Variants in XPO4 observed in about 807,000 individuals in gnomAD.
The protein encoded by XPO4 is exportin 4.
In XPO4, 39 loss-of-function variants were observed where a neutral mutation model predicts 143.0. The observed-to-expected ratio is 0.27, with a 90% CI of 0.21 to 0.36. XPO4 has a LOEUF of 0.36. Ranked by LOEUF, XPO4 falls within the 10% of genes least tolerant of loss-of-function variation. XPO4 has a pLI of 1.00. For missense variants in XPO4, 907 were observed against 1,348.0 expected (o/e 0.67, Z 5.12); for synonymous variants, 439 against 474.0 (o/e 0.93, Z 0.96).
chr13:20,823,647 C>T (rs967741553), intron 7 of XPO4, among the ~76,000 whole-genome samples: 1 of 151,230 alleles, frequency 6.6e-6, no homozygotes, highest in African/African-American at 2.4e-5. Flanking sequence ...GGAAATTACA[C>T]AGAATTCTTT....
At chr13:20,834,352 A>G (rs1043743791) in intron 6 of XPO4, among the ~76,000 whole-genome samples, 5 of 152,176 alleles carry the variant, frequency 3.3e-5, no homozygotes, top group Non-Finnish European at 7.3e-5. Flanking sequence ...TTTAAAAAAC[A>G]ATTTACAATT....
Position 20,890,916 on chromosome 13 carries a change from TGACCG to T in XPO4, c.69+11749_69+11753del, listed in dbSNP as rs1364137075. On this transcript the variant is annotated intron_variant, in intron 1 of 22. Transcript: ENST00000255305. ...TGAGGTCAGGAGTTTGAGACCAGCC[TGACCG>T]GACCAACATAGAGAAACCCCGTCTC... 6.0e-5 allele frequency among the ~76,000 whole-genome samples: 9 copies of T among 151,234 alleles called. No homozygotes were observed. The Middle Eastern group carries it at 0.014, about 233-fold the overall frequency.
At chr13:20,893,248 T>C (rs145751672) in intron 1 of XPO4, among the ~76,000 whole-genome samples, 51 of 152,344 alleles carry the variant, frequency 3.3e-4, no homozygotes, top group African/African-American at 7.7e-4. Context: ...ACTTTTCCCC[T>C]GCTTTTTGTG....
intron 1 of XPO4, among the ~76,000 whole-genome samples, chr13:20,878,804 A>T (rs1322297550): frequency 6.6e-6 from 1 of 152,188 alleles, no homozygotes; most frequent in Admixed American, 6.6e-5. Flanking sequence ...TAGGCAAAAC[A>T]TCTATATGAA....
In XPO4 at chr13:20,786,878, G is replaced by T; in HGVS notation, c.3258+87C>A. 5.7e-6 allele frequency: 6 copies of T among 1,047,892 alleles called. No individual in the cohort carries two copies. The South Asian group carries it at 1.0e-4, about 17-fold the overall frequency. The allele number at this position is 1,047,892 out of a possible 1,614,324, so 64.9% of individuals were successfully genotyped here. A position where few individuals can be genotyped will look rare whatever the true frequency, so the allele number is the denominator to read the frequency against. On this transcript the variant is annotated intron_variant, in intron 22 of 22. Transcript: ENST00000255305. Reference sequence around the variant, plus strand: ...AGCACTGAGTCACAGATCCTATAAGGGGGGATTAATGACCCACCATCTATC... The same window carrying T: ...AGCACTGAGTCACAGATCCTATAAGTGGGGATTAATGACCCACCATCTATC...
intron 3 of XPO4, chr13:20,857,037 C>G (rs2060151304): frequency 3.4e-6 from 1 of 293,462 alleles, no homozygotes; most frequent in Non-Finnish European, 5.1e-6. Context: ...AAATATGTCT[C>G]CCTATCGTCA....
At chr13:20,885,364 G>T (rs975520387) in intron 1 of XPO4, among the ~76,000 whole-genome samples, 3 of 151,968 alleles carry the variant, frequency 2.0e-5, no homozygotes, top group Admixed American at 6.6e-5. Context: ...TGGTCAATAA[G>T]ATATTAAAAC....
intron 3 of XPO4, among the ~76,000 whole-genome samples, chr13:20,859,006 T>C (rs2138111754): frequency 6.6e-6 from 1 of 151,944 alleles, no homozygotes; most frequent in African/African-American, 2.4e-5. Context: ...CTAATTACTT[T>C]AGCTTCTAAA....
chr13:20,801,251 T>A (rs1292361367), intron 13 of XPO4, among the ~76,000 whole-genome samples: 1 of 152,196 alleles, frequency 6.6e-6, no homozygotes, highest in Non-Finnish European at 1.5e-5. Flanking sequence ...TGTGTGAATA[T>A]CAGCATTACT....
chr13:20,820,638 T>C (rs1387678036), intron 9 of XPO4, among the ~76,000 whole-genome samples: 1 of 152,224 alleles, frequency 6.6e-6, no homozygotes, highest in African/African-American at 2.4e-5. Flanking sequence ...CTCTGAAACA[T>C]TCAACTGTAC....
At chr13:20,811,272 G>A (rs890051831) in intron 9 of XPO4, among the ~76,000 whole-genome samples, 18 of 151,406 alleles carry the variant, frequency 1.2e-4, no homozygotes, top group Non-Finnish European at 2.2e-4. Flanking sequence ...GCTTGAAACA[G>A]ATAGAATGCT....
intron 4 of XPO4, chr13:20,848,477 A>G (rs2060049773): frequency 1.0e-6 from 1 of 985,432 alleles, no homozygotes; most frequent in African/African-American, 1.7e-5. Flanking sequence ...TAATGCTTAA[A>G]AATACCATGT....
chr13:20,870,687 G>A (rs892337603), intron 1 of XPO4, among the ~76,000 whole-genome samples: 2 of 149,956 alleles, frequency 1.3e-5, no homozygotes, highest in Admixed American at 6.6e-5. Context: ...TCAAGATCGC[G>A]CCACTGCACT....
intron 3 of XPO4, among the ~76,000 whole-genome samples, chr13:20,858,914 G>A (rs7318690): frequency 0.75 from 106,651 of 141,292 alleles, 38,370 homozygotes; most frequent in East Asian, 0.99. Flanking sequence ...ATATATATAT[G>A]TGTGTGTGTA....
intron 1 of XPO4, among the ~76,000 whole-genome samples, chr13:20,890,469 G>T (rs956074356): frequency 6.7e-6 from 1 of 150,300 alleles, no homozygotes; most frequent in Non-Finnish European, 1.5e-5. Context: ...AAGAAATAAA[G>T]AAATTGAAAT....
upstream of XPO4, chr13:20,902,747 T>G: frequency 6.6e-7 from 1 of 1,520,822 alleles, no homozygotes; most frequent in Non-Finnish European, 8.8e-7. Context: ...ATGGTCTCTC[T>G]TCAATGACGC....
intron 15 of XPO4, 23 bp downstream of exon 15, chr13:20,800,129 ACAGT>A (rs761703941): frequency 1.2e-5 from 19 of 1,613,436 alleles, no homozygotes; most frequent in Non-Finnish European, 1.5e-5. Context: ...ACATACACAC[ACAGT>A]CAGCCTCCAA....
chr13:20,893,488 C>T (rs1180808249), intron 1 of XPO4, among the ~76,000 whole-genome samples: 1 of 152,122 alleles, frequency 6.6e-6, no homozygotes, highest in Non-Finnish European at 1.5e-5. Context: ...GCCTGTAATC[C>T]CAGCACTTTG....
At chr13:20,797,497 CA>C (rs2059374297) in intron 16 of XPO4, among the ~76,000 whole-genome samples, 1 of 152,180 alleles carries the variant, frequency 6.6e-6, no homozygotes, top group Non-Finnish European at 1.5e-5. Context: ...AACGTAACTT[CA>C]GATAATCAGT....
Sources: allele counts gnomAD v4.1 joint callset (sites outside exome capture counted in the v4.1 genomes callset), GRCh38; gene constraint gnomAD v4.1.1; transcripts MANE v1.5; gene names NCBI Gene and HGNC (gene_info 2026-07-23, HGNC 2026-07-21).